Variants in LTBP1 observed in about 807,000 individuals in gnomAD.
LTBP1 encodes the protein latent-transforming growth factor beta-binding protein 1.
In LTBP1, 129 loss-of-function variants were observed where a neutral mutation model predicts 207.6. The ratio of observed to expected loss-of-function variants is 0.62; its 90% CI spans 0.54 to 0.72. The LOEUF (loss-of-function observed/expected upper bound fraction) is 0.72, where lower values mean the gene tolerates loss of function less well. LTBP1 is among the 30% of genes least tolerant of loss of function. The pLI, the probability that LTBP1 is intolerant of heterozygous loss-of-function variation, is 0.00. For missense variants in LTBP1, 2,281 were observed against 2,217.2 expected, an observed-to-expected ratio of 1.03 and a Z score of -0.58; for synonymous variants, 963 against 833.7, an observed-to-expected ratio of 1.16 and a Z score of -2.67.
At chr2:33,096,537 TA>T (rs2079399293) in intron 3 of LTBP1, among the ~76,000 whole-genome samples, 1 of 152,218 alleles carries the variant, frequency 6.6e-6, no homozygotes, top group African/African-American at 2.4e-5. Flanking sequence ...GCCAACCTAT[TA>T]TCCTGACAAG....
chr2:33,365,390 A>C lies in LTBP1; in HGVS notation c.4598A>C (p.Glu1533Ala), dbSNP rs561562160. Residue 1533 changes from glutamate to alanine, a missense_variant, in exon 31 of 34, where the codon GAA (glutamate) becomes GCA (alanine). Around this residue, in one of 3 missense-constraint regions of LTBP1, gnomAD observed 1,671 missense variants for 1,634.8 expected, o/e 1.02. Coordinates refer to ENST00000404816, the MANE Select transcript of LTBP1 (RefSeq NM_206943.4). ...QDLCWEHLSD[E>A]YVCSRPLVGK... ...TTGTGCTGGGAACATCTGAGTGATG[A>C]ATACGTGTGTAGCCGGCCTCTTGTG... The C allele has an allele frequency of 6.2e-7, 1 of 1,614,194 alleles. No homozygotes were observed. Among genetic ancestry groups the C allele is most frequent in the South Asian group, 1.1e-5 (1 of 91,082 alleles).
intron 2 of LTBP1, among the ~76,000 whole-genome samples, chr2:32,963,018 G>T (rs868028005): frequency 6.6e-6 from 1 of 152,236 alleles, no homozygotes; most frequent in Admixed American, 6.5e-5. Context: ...TGATGAGGGG[G>T]ACAGGGAAAT....
chr2:33,364,555 A>G (rs2094961857), intron 30 of LTBP1, among the ~76,000 whole-genome samples, 199 bp downstream of exon 30: 2 of 152,222 alleles, frequency 1.3e-5, no homozygotes, highest in South Asian at 4.1e-4. Flanking sequence ...AATAGCCTGG[A>G]CATACTCATT....
Position 33,186,890 on chromosome 2 carries a change from G to T in LTBP1, c.1236G>T (p.Gln412His). Residue 412 changes from glutamine to histidine, a missense_variant, in exon 6 of 34, where the codon CAG (glutamine) becomes CAT (histidine). Physicochemically the swap from Gln to His is conservative, Grantham distance 24 (BLOSUM62 0). Transcript: ENST00000404816. ...ICHLPCMNGG[Q>H]CSSRDKCQCP... is the part of the protein sequence containing the mutation. The stretch of plus-strand genomic sequence containing the variant: ...ATCTTCCATGTATGAATGGTGGCCA[G>T]TGCAGTTCAAGGGACAAATGTCAGT... 1.2e-6 allele frequency: 2 copies of T among 1,614,168 alleles called. No individual in the cohort carries two copies. The highest frequency in any genetic ancestry group is 1.7e-6 in the Non-Finnish European group (2 of 1,180,008).
intron 2 of LTBP1, among the ~76,000 whole-genome samples, chr2:33,013,541 T>C (rs892248288): frequency 6.6e-6 from 1 of 152,200 alleles, no homozygotes; most frequent in African/African-American, 2.4e-5. Context: ...TACACTAAAC[T>C]GTAGATAGAT....
At chr2:33,003,867 T>G (rs1320517841) in intron 2 of LTBP1, among the ~76,000 whole-genome samples, 4 of 152,208 alleles carry the variant, frequency 2.6e-5, no homozygotes, top group Admixed American at 2.6e-4. Flanking sequence ...ACAAAGCCTG[T>G]GGCAGTCTTA....
At chr2:33,288,504 A>C (rs2093709316) in intron 19 of LTBP1, among the ~76,000 whole-genome samples, 1 of 152,116 alleles carries the variant, frequency 6.6e-6, no homozygotes, top group Non-Finnish European at 1.5e-5. Flanking sequence ...AATTGTGGAG[A>C]ATTGATAGTT....
At chr2:33,219,502 G>A (rs1297917087) in intron 8 of LTBP1, among the ~76,000 whole-genome samples, 2 of 152,072 alleles carry the variant, frequency 1.3e-5, no homozygotes. Context: ...TCATTAAGCA[G>A]GAATCTATAC....
At chr2:33,234,643 C>T (rs1343570016) in intron 9 of LTBP1, among the ~76,000 whole-genome samples, 1 of 152,212 alleles carries the variant, frequency 6.6e-6, no homozygotes, top group Non-Finnish European at 1.5e-5. Flanking sequence ...AATGGCCATA[C>T]TGCCCAAAGT....
At chr2:33,288,001 A>G (rs2093698450) in intron 19 of LTBP1, among the ~76,000 whole-genome samples, 1 of 152,164 alleles carries the variant, frequency 6.6e-6, no homozygotes, top group Non-Finnish European at 1.5e-5. Context: ...GAGTAATGAC[A>G]CATTTGGGGT....
intron 2 of LTBP1, among the ~76,000 whole-genome samples, chr2:33,007,691 A>G (rs997488434): frequency 1.3e-5 from 2 of 152,202 alleles, no homozygotes; most frequent in South Asian, 4.1e-4. Flanking sequence ...CCATATACAA[A>G]TGTGACTTGC....
intron 3 of LTBP1, among the ~76,000 whole-genome samples, chr2:33,107,868 G>T (rs1390367787): frequency 2.6e-5 from 4 of 152,086 alleles, no homozygotes; most frequent in Non-Finnish European, 5.9e-5. Context: ...CGGTTACATT[G>T]CTGTGACTAA....
intron 26 of LTBP1, among the ~76,000 whole-genome samples, chr2:33,355,149 A>C (rs2149919107): frequency 6.6e-6 from 1 of 151,862 alleles, no homozygotes; most frequent in East Asian, 1.9e-4. Context: ...GCAGGCCCTC[A>C]TGACGCCCGA....
chr2:33,181,882 T>C (rs2086675648), intron 5 of LTBP1, among the ~76,000 whole-genome samples: 1 of 152,178 alleles, frequency 6.6e-6, no homozygotes, highest in African/African-American at 2.4e-5. Flanking sequence ...CATGAACTTT[T>C]GAAACAGAAG....
At chr2:32,996,356 G>T (rs1222835905) in intron 2 of LTBP1, among the ~76,000 whole-genome samples, 1 of 151,944 alleles carries the variant, frequency 6.6e-6, no homozygotes, top group African/African-American at 2.4e-5. Context: ...CATTCATAAG[G>T]GCTTCATCCT....
rs142628362 is a variant in LTBP1 at position 33,188,754 on chromosome 2, A to G, written c.1604A>G (p.His535Arg). The G allele has an allele frequency of 2.0e-5, 33 of 1,614,108 alleles. No homozygotes were observed. Among genetic ancestry groups the G allele is most frequent in the Non-Finnish European group, 2.6e-5 (31 of 1,180,026 alleles). Residue 535 changes from histidine (H) to arginine (R), a missense_variant, in exon 7 of 34, where the codon CAT (histidine) becomes CGT (arginine). Physicochemically the swap from His to Arg is conservative, Grantham distance 29. Around this residue, in one of 3 missense-constraint regions of LTBP1, gnomAD observed 1,671 missense variants for 1,634.8 expected, o/e 1.02. Transcript: ENST00000404816. ...CCTGTCCAGAAGACCCAGACCATAC[A>G]TTCCACATACTCCCACCAGCAGGTC... is the stretch of plus-strand genomic sequence containing the variant. ...GLPVQKTQTI[H>R]STYSHQQVIP...
At position 33,340,148 on chromosome 2, in the gene LTBP1, C is replaced by A. The variant is rs562761073; in HGVS notation, c.3731-2690C>A. Among the ~76,000 whole-genome samples the A allele has an allele frequency of 1.2e-4, 18 of 151,462 alleles. No individual in the cohort carries two copies. The East Asian group carries it at 3.3e-3, about 28-fold the overall frequency. ...TGGCGAGCGCCTGTAGTCCCAGCTA[C>A]TCAGGAGACTGAGGCAGGAGAATGA... On this transcript the variant is annotated intron_variant, in intron 24 of 33. Transcript: ENST00000404816.
intron 10 of LTBP1, among the ~76,000 whole-genome samples, chr2:33,251,786 G>A (rs932210416): frequency 6.6e-6 from 1 of 152,032 alleles, no homozygotes; most frequent in South Asian, 2.1e-4. Context: ...GGGAATGGGC[G>A]GCGGGGGGAC....
intron 2 of LTBP1, among the ~76,000 whole-genome samples, chr2:32,991,465 C>G (rs759104546): frequency 1.7e-4 from 26 of 152,298 alleles, no homozygotes; most frequent in Admixed American, 5.2e-4. Context: ...AGGTTTGGAA[C>G]ATGTTTTAAA....
Sources: gnomAD v4.1 joint callset for allele counts (sites outside exome capture counted in the v4.1 genomes callset) on GRCh38, gnomAD v4.1.1 for gene constraint, gnomAD v4.1.1 regional missense constraint, MANE v1.5 for transcripts, NCBI Gene and HGNC (gene_info 2026-07-23, HGNC 2026-07-21) for gene names.